The following IL1R2 variants were observed in gnomAD, a reference collection of about 807,000 sequenced individuals.
The protein encoded by IL1R2 is interleukin-1 receptor type 2.
A neutral mutation model predicts 39.5 loss-of-function variants in IL1R2; 46 were observed. The ratio of observed to expected loss-of-function variants is 1.16; its 90% CI spans 0.92 to 1.49. The LOEUF (loss-of-function observed/expected upper bound fraction) is 1.49. Among genes scored for constraint, IL1R2 ranks in the 40% most tolerant of loss-of-function variants. The pLI, the probability that IL1R2 is intolerant of heterozygous loss-of-function variation, is 0.00. For synonymous variants in IL1R2, 207 were observed against 189.6 expected, an observed-to-expected ratio of 1.09 and a Z score of -0.75; for missense variants, 537 against 502.0, an observed-to-expected ratio of 1.07 and a Z score of -0.67.
chr2:102,015,015 C>T (rs1468592825), intron 3 of IL1R2, among the ~76,000 whole-genome samples: 5 of 151,310 alleles, frequency 3.3e-5, no homozygotes, highest in Non-Finnish European at 5.9e-5. Context: ...GTTAATTTCC[C>T]CATGCAGTAT....
At chr2:102,006,946 A>G (rs1676303924) in intron 1 of IL1R2, among the ~76,000 whole-genome samples, 1 of 152,188 alleles carries the variant, frequency 6.6e-6, no homozygotes, top group African/African-American at 2.4e-5. Context: ...ATCATCTCCC[A>G]GGAAGCTTAC....
intron 5 of IL1R2, among the ~76,000 whole-genome samples, chr2:102,020,125 G>T (rs1677277739): frequency 1.3e-5 from 2 of 152,200 alleles, no homozygotes; most frequent in Admixed American, 1.3e-4. Flanking sequence ...AAAGTGTCCT[G>T]TGAAGCTTTG....
At chr2:102,000,115 C>G (rs1243731631) in intron 1 of IL1R2, among the ~76,000 whole-genome samples, 1 of 152,210 alleles carries the variant, frequency 6.6e-6, no homozygotes, top group Admixed American at 6.5e-5. Context: ...TTTCTCATCA[C>G]GTCTTCCAAC....
intron 3 of IL1R2, among the ~76,000 whole-genome samples, chr2:102,013,879 C>T (rs1347534759): frequency 6.6e-6 from 1 of 151,904 alleles, no homozygotes; most frequent in Non-Finnish European, 1.5e-5. Flanking sequence ...AGGAAGAGTC[C>T]CCACAGTGGG....
At chr2:102,019,931 A>G (rs1399778825) in intron 5 of IL1R2, 119 bp downstream of exon 5, 1 of 776,674 alleles carries the variant, frequency 1.3e-6, no homozygotes, top group African/African-American at 1.7e-5. Context: ...AACGGAAAAC[A>G]GATCCATCAG....
intron 1 of IL1R2, among the ~76,000 whole-genome samples, chr2:102,002,865 G>GGTCTGT (rs1167762474): frequency 5.5e-5 from 5 of 91,030 alleles, no homozygotes; most frequent in Admixed American, 3.3e-4. Context: ...TCTAGGTCTA[G>GGTCTGT]GTCTGTGTCT....
At position 102,026,139 on chromosome 2, in the gene IL1R2, A is replaced by T. The variant is rs761679495; in HGVS notation, c.916A>T (p.Ile306Phe). ...ATATTCAGAAAATAATGAGAACTAC[A>T]TTGAAGTGCCATTGATTTTTGATCC... Reference protein sequence around the residue: ...QEYSENNENYIEVPLIFDPVT... With the variant: ...QEYSENNENYFEVPLIFDPVT... The change falls in exon 8 of 9, where the codon ATT becomes TTT. Residue 306 changes from isoleucine (I) to phenylalanine (F), a missense_variant. By Grantham distance (21) the Ile-to-Phe change is conservative. Transcript: ENST00000332549. 9.3e-6 allele frequency: 15 copies of T among 1,608,150 alleles called. No individual in the cohort carries two copies. In the Admixed American group the frequency reaches 2.5e-4, roughly 27 times the overall value.
At chr2:102,010,003 C>T (rs762809791) in intron 3 of IL1R2, 177 bp downstream of exon 3, 106 of 720,330 alleles carry the variant, frequency 1.5e-4, no homozygotes, top group Non-Finnish European at 2.2e-4. Context: ...CTCATTCTGT[C>T]TCCATTTAGT....
chr2:101,999,342 T>A (rs1327196279), intron 1 of IL1R2, among the ~76,000 whole-genome samples: 1 of 152,244 alleles, frequency 6.6e-6, no homozygotes, highest in Non-Finnish European at 1.5e-5. Context: ...CAACCGCTGC[T>A]CTAATGCCAG....
intron 3 of IL1R2, 53 bp downstream of exon 3, chr2:102,009,879 G>A (rs888045814): frequency 2.6e-5 from 41 of 1,581,354 alleles, no homozygotes; most frequent in Non-Finnish European, 3.4e-5. Flanking sequence ...ATGGAGGCTT[G>A]TGAGGGTCTT....
chr2:102,016,785 G>A (rs139733081), intron 4 of IL1R2, among the ~76,000 whole-genome samples: 7 of 152,316 alleles, frequency 4.6e-5, no homozygotes, highest in East Asian at 3.9e-4. Flanking sequence ...GAGGATATCC[G>A]TAGGTTATAT....
chr2:102,026,026 A>G (rs745993982), intron 7 of IL1R2, 85 bp from the exon 8 acceptor site: 4 of 1,081,694 alleles, frequency 3.7e-6, no homozygotes, highest in Non-Finnish European at 5.4e-6. Context: ...GGTACTTCTA[A>G]AGGAGAGTGT....
At chr2:102,024,859 T>C (rs911662389) in intron 7 of IL1R2, 191 bp downstream of exon 7, 5 of 689,906 alleles carry the variant, frequency 7.2e-6, no homozygotes, top group African/African-American at 1.8e-5. Context: ...CTGTAAATAC[T>C]TAAAAGTTGA....
At chr2:102,023,852 C>A (rs1204518141) in intron 6 of IL1R2, among the ~76,000 whole-genome samples, 1 of 151,660 alleles carries the variant, frequency 6.6e-6, no homozygotes, top group Non-Finnish European at 1.5e-5. Flanking sequence ...TCGAGACCAT[C>A]CTGGCTAACA....
In IL1R2 at chr2:102,013,892, C is replaced by T. The variant is rs3218884; in HGVS notation, c.333-1979C>T. Among the ~76,000 whole-genome samples the T allele has an allele frequency of 1.4e-3, 210 of 152,120 alleles. 1 individual carries two copies. The highest frequency in any genetic ancestry group is 4.7e-3 in the African/African-American group (194 of 41,502). Reference sequence around the variant, plus strand: ...CTAGGAAGAGTCCCCACAGTGGGGACGAGGACATGTGATACACCATGTGCT... The same window carrying T: ...CTAGGAAGAGTCCCCACAGTGGGGATGAGGACATGTGATACACCATGTGCT... On this transcript the variant is annotated intron_variant, in intron 3 of 8. Transcript: ENST00000332549.
intron 3 of IL1R2, among the ~76,000 whole-genome samples, chr2:102,014,485 T>A (rs1676866932): frequency 1.3e-5 from 2 of 152,216 alleles, no homozygotes; most frequent in South Asian, 4.1e-4. Context: ...TTTTTCAAGG[T>A]GAGAGTTAAC....
At chr2:102,006,057 T>C (rs570308507) in intron 1 of IL1R2, among the ~76,000 whole-genome samples, 2 of 152,358 alleles carry the variant, frequency 1.3e-5, no homozygotes, top group East Asian at 3.9e-4. Context: ...ACAATAGCTA[T>C]TGTTATACAC....
chr2:102,026,021 T>C, intron 7 of IL1R2, 90 bp from the exon 8 acceptor site: 1 of 1,016,164 alleles, frequency 9.8e-7, no homozygotes, highest in Non-Finnish European at 1.5e-6. Flanking sequence ...CAATGGGTAC[T>C]TCTAAAGGAG....
At chr2:102,010,830 C>G (rs933231810) in intron 3 of IL1R2, among the ~76,000 whole-genome samples, 3 of 152,134 alleles carry the variant, frequency 2.0e-5, no homozygotes, top group East Asian at 1.9e-4. Flanking sequence ...TCACCATTAT[C>G]CATCTTTAGG....
Sources: gnomAD v4.1 joint callset for allele counts (sites outside exome capture counted in the v4.1 genomes callset) on GRCh38, gnomAD v4.1.1 for gene constraint, MANE v1.5 for transcripts, NCBI Gene and HGNC (gene_info 2026-07-23, HGNC 2026-07-21) for gene names.